The following GOLGA1 variants were observed in gnomAD, a reference collection of about 807,000 sequenced individuals.
GOLGA1 encodes golgin subfamily A member 1.
A neutral mutation model predicts 119.7 loss-of-function variants in GOLGA1; 63 were observed. That is an observed-to-expected ratio of 0.53 (90% CI 0.43 to 0.65). GOLGA1 has a LOEUF of 0.65. Among genes scored for constraint, GOLGA1 ranks in the 30% least tolerant of loss-of-function variants. The pLI, the probability that GOLGA1 is intolerant of heterozygous loss-of-function variation, is 0.00. For synonymous variants in GOLGA1, 318 were observed against 333.4 expected (o/e 0.95, Z 0.50); for missense variants, 798 against 912.8 (o/e 0.87, Z 1.62).
intron 11 of GOLGA1, among the ~76,000 whole-genome samples, chr9:124,909,102 G>C (rs1276300750): frequency 3.3e-5 from 5 of 152,160 alleles, no homozygotes; most frequent in African/African-American, 1.2e-4. Context: ...TTTAGGTCAG[G>C]AGTTCGAGAC....
rs1370235406 is a variant in GOLGA1 at position 124,899,551 on chromosome 9, G to A, written c.1162-73C>T. ...GTGGGGGATCTTAGTCTGGCCCTAG[G>A]TGAGAAGATGAGTATCCAACAGAAA... On this transcript the variant is annotated intron_variant, in intron 13 of 22. Transcript: ENST00000373555. 7 of 1,398,484 alleles carry A rather than the reference G, an allele frequency of 5.0e-6. No individual in the cohort carries two copies. The African/African-American group carries it at 5.7e-5, about 11-fold the overall frequency. The allele number at this position is 1,398,484 out of a possible 1,614,324, so 86.6% of individuals were successfully genotyped here. A position where few individuals can be genotyped will look rare whatever the true frequency, so the allele number is the denominator to read the frequency against.
At chr9:124,925,005 G>A (rs905042353) in intron 7 of GOLGA1, among the ~76,000 whole-genome samples, 18 of 151,730 alleles carry the variant, frequency 1.2e-4, no homozygotes, top group Admixed American at 9.9e-4. Flanking sequence ...GAGTAAACCC[G>A]GGAGGCAGAG....
At chr9:124,890,239 G>A in intron 16 of GOLGA1, 150 bp downstream of exon 16, 1 of 624,426 alleles carries the variant, frequency 1.6e-6, no homozygotes, top group South Asian at 1.9e-5. Context: ...AGAGCACAGG[G>A]GCCCACGCAG....
At position 124,926,754 on chromosome 9, in the gene GOLGA1, A is replaced by T; in HGVS notation, c.400-13T>A. 4.0e-6 allele frequency: 6 copies of T among 1,509,344 alleles called. No individual in the cohort carries two copies. The highest frequency in any genetic ancestry group is 5.5e-6 in the Non-Finnish European group (6 of 1,095,578). The allele number at this position is 1,509,344 out of a possible 1,614,324, so 93.5% of individuals were successfully genotyped here. A position where few individuals can be genotyped will look rare whatever the true frequency, so the allele number is the denominator to read the frequency against. ...TTTCTGACCATTCCTAAAACAAAAC[A>T]ATAAAAAAGTATGGTTTCCAGTGAA... On this transcript the variant is annotated splice_polypyrimidine_tract_variant and intron_variant, in intron 6 of 22. Coordinates refer to ENST00000373555, the MANE Select transcript of GOLGA1 (RefSeq NM_002077.4).
chr9:124,912,158 T>A, intron 10 of GOLGA1, 132 bp from the exon 11 acceptor site: 1 of 764,788 alleles, frequency 1.3e-6, no homozygotes, highest in Non-Finnish European at 2.1e-6. Context: ...AGCTAAGAGA[T>A]CTTCCTGAAA....
upstream of GOLGA1, among the ~76,000 whole-genome samples, chr9:124,941,749 A>G (rs930880083): frequency 1.3e-5 from 2 of 152,214 alleles, no homozygotes; most frequent in Non-Finnish European, 2.9e-5. Context: ...TAGCTTCACC[A>G]TCCGCTGCTG....
intron 15 of GOLGA1, among the ~76,000 whole-genome samples, chr9:124,896,948 G>A (rs900368174): frequency 7.9e-5 from 12 of 151,702 alleles, no homozygotes; most frequent in African/African-American, 2.9e-4. Context: ...AAAAAGACCT[G>A]CCAGGGCTTC....
chr9:124,923,574 A>G (rs906042094), intron 7 of GOLGA1, among the ~76,000 whole-genome samples: 10 of 152,214 alleles, frequency 6.6e-5, no homozygotes, highest in Admixed American at 6.5e-4. Flanking sequence ...CTTTAACTAG[A>G]GAATTTAATT....
At chr9:124,880,677 C>CG in intron 22 of GOLGA1, 67 bp from the exon 23 acceptor site, 1 of 935,546 alleles carries the variant, frequency 1.1e-6, no homozygotes, top group Non-Finnish European at 1.8e-6. Context: ...AACTGAACCG[C>CG]CCCTCCCCTC....
Position 124,929,198 on chromosome 9 carries a change from C to A in GOLGA1, c.301+18G>T, listed in dbSNP as rs758550546. On this transcript the variant is annotated intron_variant, in intron 5 of 22. Coordinates refer to ENST00000373555, the MANE Select transcript of GOLGA1 (RefSeq NM_002077.4). ...TAAACCTTGAAAAGATTGAAAAAAG[C>A]AGGAAAAAAATACGTACAATCCTGG... The A allele has an allele frequency of 1.4e-6, 2 of 1,476,214 alleles. No individual in the cohort carries two copies. The highest frequency in any genetic ancestry group is 1.9e-6 in the Non-Finnish European group (2 of 1,054,760). 91.4% of individuals were successfully genotyped at this position (1,476,214 alleles called of 1,614,324 possible).
intron 7 of GOLGA1, among the ~76,000 whole-genome samples, chr9:124,925,552 T>C (rs1450603428): frequency 6.6e-6 from 1 of 151,866 alleles, no homozygotes. Flanking sequence ...CTCATCTCTA[T>C]TAAAATTTTT....
intron 10 of GOLGA1, among the ~76,000 whole-genome samples, chr9:124,914,609 G>A (rs911329943): frequency 2.0e-5 from 3 of 152,306 alleles, no homozygotes; most frequent in South Asian, 4.1e-4. Context: ...TGGTAATAGC[G>A]TAAAGACAGA....
At chr9:124,883,728 A>C (rs1013838640) in intron 19 of GOLGA1, among the ~76,000 whole-genome samples, 8 of 151,954 alleles carry the variant, frequency 5.3e-5, no homozygotes, top group Non-Finnish European at 7.4e-5. Flanking sequence ...GATTACAGGC[A>C]TGAGCCACCG....
chr9:124,931,809 C>G (rs1054550181), intron 3 of GOLGA1, among the ~76,000 whole-genome samples: 14 of 152,108 alleles, frequency 9.2e-5, no homozygotes, highest in Non-Finnish European at 1.9e-4. Flanking sequence ...AATCTTTCAC[C>G]GATATTGATA....
chr9:124,910,218 C>T (rs1223097215), intron 11 of GOLGA1, among the ~76,000 whole-genome samples: 3 of 152,122 alleles, frequency 2.0e-5, no homozygotes, highest in East Asian at 1.9e-4. Context: ...TGTGAGCCAC[C>T]GCGCCTGGCC....
At chr9:124,921,686 C>A (rs1296853192) in intron 9 of GOLGA1, 37 bp downstream of exon 9, 2 of 1,539,250 alleles carry the variant, frequency 1.3e-6, no homozygotes, top group Admixed American at 1.8e-5. Flanking sequence ...ACTACACTAA[C>A]ACCTCTTCCC....
At chr9:124,932,563 G>A (rs922931459) in intron 3 of GOLGA1, among the ~76,000 whole-genome samples, 21 of 152,164 alleles carry the variant, frequency 1.4e-4, no homozygotes, top group African/African-American at 4.8e-4. Context: ...TTGCCTCACA[G>A]AGCTGTGATG....
chr9:124,901,656 C>T (rs554030207), intron 12 of GOLGA1, among the ~76,000 whole-genome samples: 4 of 151,816 alleles, frequency 2.6e-5, no homozygotes, highest in African/African-American at 4.8e-5. Context: ...AGGATGGTCT[C>T]GATCTGCTGA....
intron 7 of GOLGA1, among the ~76,000 whole-genome samples, chr9:124,926,283 C>T (rs1830671291): frequency 6.6e-6 from 1 of 152,222 alleles, no homozygotes; most frequent in Admixed American, 6.5e-5. Flanking sequence ...CCAACTGAAG[C>T]TGTGACTTTG....
Sources: allele counts gnomAD v4.1 joint callset (sites outside exome capture counted in the v4.1 genomes callset), GRCh38; gene constraint gnomAD v4.1.1; transcripts MANE v1.5; gene names NCBI Gene and HGNC (gene_info 2026-07-23, HGNC 2026-07-21).